Variants in OXSR1 observed in about 807,000 individuals in gnomAD.
The protein encoded by OXSR1 is oxidative stress responsive kinase 1, also known as serine/threonine-protein kinase OSR1.
A neutral mutation model predicts 79.8 loss-of-function variants in OXSR1; 24 were observed. That is an observed-to-expected ratio of 0.30 (90% CI 0.22 to 0.42). The LOEUF (loss-of-function observed/expected upper bound fraction) is 0.42, where lower values mean the gene tolerates loss of function less well. Among genes scored for constraint, OXSR1 ranks in the 10% least tolerant of loss-of-function variants. The pLI, the probability that OXSR1 is intolerant of heterozygous loss-of-function variation, is 1.00. For missense variants in OXSR1, 430 were observed against 618.4 expected (o/e 0.70, Z 3.23); for synonymous variants, 226 against 209.2 (o/e 1.08, Z -0.69).
At chr3:38,195,371 G>C (rs1702054964) in intron 3 of OXSR1, among the ~76,000 whole-genome samples, 1 of 152,158 alleles carries the variant, frequency 6.6e-6, no homozygotes, top group South Asian at 2.1e-4. Flanking sequence ...TCTAAAGGAG[G>C]ATCCAGGTAA....
chr3:38,164,601 G>T (rs909650995), upstream of OXSR1, among the ~76,000 whole-genome samples: 64 of 152,254 alleles, frequency 4.2e-4, no homozygotes, highest in African/African-American at 1.5e-3. Context: ...TCTAACGGCC[G>T]TACGTAGTCA....
At chr3:38,192,860 G>C (rs1423423493) in intron 3 of OXSR1, among the ~76,000 whole-genome samples, 1 of 152,174 alleles carries the variant, frequency 6.6e-6, no homozygotes, top group African/African-American at 2.4e-5. Flanking sequence ...GCTTGCATGT[G>C]TATTTTGTGG....
rs1415525011 is a variant in OXSR1 at position 38,224,598 on chromosome 3, C to G, written c.730C>G (p.Pro244Ala). ...TTTAATGCTGACACTGCAGAACGAT[C>G]CTCCTTCTTTGGAAACTGGTGTTCA... is the stretch of plus-strand genomic sequence containing the variant. ...KVLMLTLQND[P>A]PSLETGVQDK... Residue 244 changes from proline (P) to alanine (A), a missense_variant, in exon 8 of 18, where the codon CCT becomes GCT. Physicochemically the swap from Pro to Ala is conservative, Grantham distance 27. Around this residue, in one of 3 missense-constraint regions of OXSR1, gnomAD observed 276 missense variants for 354.2 expected, o/e 0.78. Transcript: ENST00000311806. The G allele has an allele frequency of 1.2e-5, 19 of 1,590,904 alleles. No individual in the cohort carries two copies. The highest frequency in any genetic ancestry group is 1.5e-5 in the Non-Finnish European group (18 of 1,171,838).
At chr3:38,166,058 GCGCTTGTGGGGCTGGGGGCTTGTAGGA>G in intron 1 of OXSR1, 112 bp downstream of exon 1, 4 of 958,454 alleles carry the variant, frequency 4.2e-6, no homozygotes, top group South Asian at 2.8e-5. Flanking sequence ...AATTCGTGGG[GCGCTTGTGGGGCTGGGGGCTTGTAGGA>G]CGCTTGTGTC....
intron 1 of OXSR1, among the ~76,000 whole-genome samples, chr3:38,167,700 G>A (rs915243838): frequency 1.3e-5 from 2 of 152,190 alleles, no homozygotes; most frequent in Admixed American, 1.3e-4. Context: ...TCATGGGCCT[G>A]TGTCCTTGCT....
chr3:38,219,116 T>G (rs1197178088), intron 5 of OXSR1, among the ~76,000 whole-genome samples: 4 of 152,188 alleles, frequency 2.6e-5, no homozygotes, highest in African/African-American at 7.2e-5. Context: ...TTATGTTTCC[T>G]TAGCATTGTA....
intron 4 of OXSR1, among the ~76,000 whole-genome samples, chr3:38,210,385 T>C (rs1297251969): frequency 6.6e-6 from 1 of 152,168 alleles, no homozygotes; most frequent in Non-Finnish European, 1.5e-5. Context: ...TAAAATAGTT[T>C]CCCTTGAGGG....
At chr3:38,234,483 A>C (rs1702878234) in intron 10 of OXSR1, among the ~76,000 whole-genome samples, 1 of 152,244 alleles carries the variant, frequency 6.6e-6, no homozygotes, top group Non-Finnish European at 1.5e-5. Context: ...GCCAATAAAC[A>C]CATGAAAAGA....
In OXSR1 at chr3:38,224,678, G is replaced by T. The variant is rs1702654984; in HGVS notation, c.810G>T (p.Leu270Phe). 6.3e-7 allele frequency: 1 copy of T among 1,579,068 alleles called. No homozygotes were observed. Among genetic ancestry groups the T allele is most frequent in the Non-Finnish European group, 8.6e-7 (1 of 1,161,428 alleles). ...AATCATTTAGAAAAATGATTTCATTGTGCCTTCAAAAAGATCCAGAAAAAA... is the reference window on the plus strand; with the variant it reads ...AATCATTTAGAAAAATGATTTCATTTTGCCTTCAAAAAGATCCAGAAAAAA... ...YGKSFRKMIS[L>F]CLQKDPEKRP... The change falls in exon 8 of 18, where the codon TTG (leucine) becomes TTT (phenylalanine). Residue 270 changes from leucine to phenylalanine, a missense_variant. By Grantham distance (22) the Leu-to-Phe change is conservative. This residue lies in a region of OXSR1 where 276 missense variants were observed against 354.2 expected (regional missense o/e 0.78). Transcript: ENST00000311806.
At chr3:38,250,451 A>G (rs1456060272) in intron 15 of OXSR1, among the ~76,000 whole-genome samples, 5 of 152,220 alleles carry the variant, frequency 3.3e-5, no homozygotes, top group Admixed American at 6.5e-5. Flanking sequence ...TTCATTCTTT[A>G]TACATGGTTG....
chr3:38,228,002 C>T (rs560463882), intron 8 of OXSR1, among the ~76,000 whole-genome samples: 14 of 152,164 alleles, frequency 9.2e-5, no homozygotes, highest in Non-Finnish European at 2.1e-4. Flanking sequence ...GTTTGAACAT[C>T]GTGGAGTGTA....
At chr3:38,166,789 C>CA (rs915290107) in intron 1 of OXSR1, among the ~76,000 whole-genome samples, 11,035 of 61,250 alleles carry the variant, frequency 0.18, 766 homozygotes, top group Non-Finnish European at 0.21. Context: ...GACTCTGACT[C>CA]AAAAAAAAAA....
intron 5 of OXSR1, among the ~76,000 whole-genome samples, chr3:38,219,786 GAT>G (rs1559517717): frequency 2.7e-4 from 35 of 127,498 alleles, no homozygotes; most frequent in African/African-American, 1.2e-3. Flanking sequence ...TTAAGATGAT[GAT>G]GATGATGATG....
At chr3:38,220,796 A>C (rs1357076237) in intron 5 of OXSR1, among the ~76,000 whole-genome samples, 9 of 152,192 alleles carry the variant, frequency 5.9e-5, no homozygotes, top group Non-Finnish European at 1.5e-5. Flanking sequence ...ACCCTGGCTC[A>C]AATCAGGTAT....
At chr3:38,177,454 T>A (rs900312932) in intron 1 of OXSR1, among the ~76,000 whole-genome samples, 1 of 152,256 alleles carries the variant, frequency 6.6e-6, no homozygotes, top group African/African-American at 2.4e-5. Context: ...TGTTGAATGA[T>A]TTTTATCAAG....
intron 10 of OXSR1, chr3:38,230,806 G>T: frequency 5.4e-6 from 1 of 184,656 alleles, no homozygotes; most frequent in Non-Finnish European, 1.1e-5. Context: ...AAGACTGAAA[G>T]AACTTTATTA....
At chr3:38,207,775 A>G (rs893427194) in intron 4 of OXSR1, among the ~76,000 whole-genome samples, 1 of 152,120 alleles carries the variant, frequency 6.6e-6, no homozygotes, top group African/African-American at 2.4e-5. Context: ...ACATGGTTAT[A>G]TCTAGCCTGC....
chr3:38,168,844 A>G (rs931685338), intron 1 of OXSR1, among the ~76,000 whole-genome samples: 2 of 152,144 alleles, frequency 1.3e-5, no homozygotes, highest in African/African-American at 2.4e-5. Context: ...CATGTAGTAC[A>G]TGGTTCCTTT....
At chr3:38,209,918 C>T (rs1003186216) in intron 4 of OXSR1, among the ~76,000 whole-genome samples, 2 of 152,174 alleles carry the variant, frequency 1.3e-5, no homozygotes, top group African/African-American at 2.4e-5. Flanking sequence ...CACCGTGCCC[C>T]GGCCAAGAAG....
Sources: allele counts gnomAD v4.1 joint callset (sites outside exome capture counted in the v4.1 genomes callset), GRCh38; gene constraint gnomAD v4.1.1; regional missense constraint gnomAD v4.1.1; transcripts MANE v1.5; gene names NCBI Gene and HGNC (gene_info 2026-07-23, HGNC 2026-07-21).